Variants in CASP9 observed in about 807,000 individuals in gnomAD.
CASP9 encodes the protein caspase 9.
CASP9 carries 29 observed loss-of-function variants against 43.5 expected under a neutral mutation model. The ratio of observed to expected loss-of-function variants is 0.67; its 90% CI spans 0.50 to 0.91. The LOEUF (loss-of-function observed/expected upper bound fraction) is 0.91. CASP9 is among the 40% of genes least tolerant of loss of function. The pLI is 0.00. For missense variants in CASP9, 575 were observed against 537.4 expected, an observed-to-expected ratio of 1.07 and a Z score of -0.69; for synonymous variants, 206 against 211.9, an observed-to-expected ratio of 0.97 and a Z score of 0.24.
chr1:15,524,675 CCGCCTCGCCTTCAGGACGCCTCCG>C (rs1710380952), upstream of CASP9: 1 of 1,046,234 alleles, frequency 9.6e-7, no homozygotes, highest in Admixed American at 6.4e-5. Flanking sequence ...TCTTGCGTCA[CCGCCTCGCCTTCAGGACGCCTCCG>C]CGCCTCGCCC....
At chr1:15,522,011 G>A (rs1710222666) in intron 1 of CASP9, among the ~76,000 whole-genome samples, 1 of 152,190 alleles carries the variant, frequency 6.6e-6, no homozygotes, top group Non-Finnish European at 1.5e-5. Context: ...TTGGCTACAT[G>A]CAAATAGATG....
In CASP9 at chr1:15,506,060, A is replaced by C; in HGVS notation, c.650T>G (p.Leu217Arg). ...ACCGTGGTCCTGCTGCGCCAGCTCC[A>C]GCAAAGCCAGCACCATTTTCTACAA... is the stretch of plus-strand genomic sequence containing the variant. Reference protein sequence around the residue: ...LTAKKMVLALLELAQQDHGAL... With the variant: ...LTAKKMVLALRELAQQDHGAL... Residue 217 changes from leucine to arginine, a missense_variant, in exon 5 of 9, where the codon CTG (leucine) becomes CGG (arginine). Coordinates refer to ENST00000333868, the MANE Select transcript of CASP9 (RefSeq NM_001229.5). 6.2e-7 allele frequency: 1 copy of C among 1,613,842 alleles called. No individual in the cohort carries two copies. Among genetic ancestry groups the C allele is most frequent in the South Asian group, 1.1e-5 (1 of 91,084 alleles).
At position 15,492,373 on chromosome 1, in the gene CASP9, CA is replaced by C. The variant is rs2103319913; in HGVS notation, c.*569del. 6.6e-6 allele frequency: 1 copy of C among 152,404 alleles called. No individual in the cohort carries two copies. The highest frequency in any genetic ancestry group is 2.1e-4 in the South Asian group (1 of 4,822). 9.4% of individuals were successfully genotyped at this position (152,404 alleles called of 1,614,324 possible). A position where few individuals can be genotyped will look rare whatever the true frequency, so the allele number is the denominator to read the frequency against. ...TTAGAATTCATAGATTACAGCTGTTCAGACTCTAGTAGGCCCCGGTTTGCTG... is the reference window on the plus strand; with the variant it reads ...TTAGAATTCATAGATTACAGCTGTTCGACTCTAGTAGGCCCCGGTTTGCTG... On this transcript the variant is annotated 3_prime_UTR_variant, in exon 9 of 9. Transcript: ENST00000333868.
At chr1:15,514,384 C>T (rs1398217612) in intron 2 of CASP9, among the ~76,000 whole-genome samples, 2 of 152,222 alleles carry the variant, frequency 1.3e-5, no homozygotes, top group African/African-American at 4.8e-5. Flanking sequence ...TATGAATACA[C>T]AGCTCTTCCT....
At chr1:15,503,783 T>A (rs1206216111) in intron 6 of CASP9, among the ~76,000 whole-genome samples, 1 of 152,148 alleles carries the variant, frequency 6.6e-6, no homozygotes, top group African/African-American at 2.4e-5. Flanking sequence ...GGCAAGGAAC[T>A]GATATACCTT....
chr1:15,499,731 G>A (rs1709248496), intron 6 of CASP9, among the ~76,000 whole-genome samples: 1 of 152,210 alleles, frequency 6.6e-6, no homozygotes, highest in African/African-American at 2.4e-5. Flanking sequence ...TGATGATGAA[G>A]GCCATGGAGA....
intron 6 of CASP9, among the ~76,000 whole-genome samples, chr1:15,496,452 A>G (rs1709107710): frequency 6.6e-6 from 1 of 152,216 alleles, no homozygotes; most frequent in Admixed American, 6.5e-5. Flanking sequence ...AGACATTCAA[A>G]TTGGAAAGAA....
chr1:15,517,990 A>T, intron 2 of CASP9, 120 bp downstream of exon 2: 1 of 1,222,494 alleles, frequency 8.2e-7, no homozygotes, highest in Non-Finnish European at 1.2e-6. Context: ...ATCCCTATGA[A>T]CATTCAGAAA....
At position 15,504,782 on chromosome 1, in the gene CASP9, A is replaced by G. The variant is rs755984835; in HGVS notation, c.721-24T>C. The G allele has an allele frequency of 4.4e-6, 7 of 1,598,952 alleles. No individual in the cohort carries two copies. In the East Asian group the frequency reaches 1.1e-4, roughly 25 times the overall value. On this transcript the variant is annotated intron_variant, in intron 5 of 8. Transcript: ENST00000333868. ...GCCTAGAAGACCAAGAACCCTGGTT[A>G]CAAAACCAAGAAGTTGGAGTAGGAA...
chr1:15,518,877 T>G (rs542258458), intron 1 of CASP9, among the ~76,000 whole-genome samples: 11 of 151,894 alleles, frequency 7.2e-5, no homozygotes, highest in East Asian at 3.9e-4. Context: ...TGTTTTTGTT[T>G]TTTTTTTTTT....
chr1:15,523,843 G>A (rs1389730997), intron 1 of CASP9, among the ~76,000 whole-genome samples: 1 of 152,210 alleles, frequency 6.6e-6, no homozygotes, highest in South Asian at 2.1e-4. Flanking sequence ...CTCAAGATGT[G>A]TCTCACATTT....
intron 1 of CASP9, among the ~76,000 whole-genome samples, chr1:15,522,239 A>T (rs1011998066): frequency 1.2e-4 from 18 of 152,230 alleles, no homozygotes; most frequent in Non-Finnish European, 2.2e-4. Context: ...CTAATATGTA[A>T]CAAGGCCAGG....
At chr1:15,515,908 T>C (rs182107850) in intron 2 of CASP9, among the ~76,000 whole-genome samples, 1 of 151,836 alleles carries the variant, frequency 6.6e-6, no homozygotes, top group Admixed American at 6.6e-5. Context: ...ATTTTAAAAT[T>C]GGCCAGGCAT....
chr1:15,495,057 C>T (rs1183032451), intron 7 of CASP9, among the ~76,000 whole-genome samples: 3 of 151,808 alleles, frequency 2.0e-5, no homozygotes, highest in Admixed American at 2.0e-4. Flanking sequence ...GCAAGTGAGG[C>T]ATAGGAACCC....
At chr1:15,497,770 G>A (rs940506634) in intron 6 of CASP9, among the ~76,000 whole-genome samples, 2 of 152,102 alleles carry the variant, frequency 1.3e-5, no homozygotes, top group African/African-American at 4.8e-5. Flanking sequence ...AAACCCCAAT[G>A]ATGTTTTTTG....
At chr1:15,524,569 A>ATCCCCGCACTGACGTCACG, upstream of CASP9, 1 of 333,224 alleles carries the variant, frequency 3.0e-6, no homozygotes, top group South Asian at 4.6e-5. Context: ...CCCGCCCCGT[A>ATCCCCGCACTGACGTCACG]TCCCCGCACT....
intron 7 of CASP9, 123 bp from the exon 8 acceptor site, chr1:15,494,124 C>T: frequency 1.7e-6 from 2 of 1,149,116 alleles, no homozygotes; most frequent in Admixed American, 4.4e-5. Flanking sequence ...ATACATCCAA[C>T]AGGAGCAGCC....
chr1:15,510,563 T>C (rs1396925836), intron 2 of CASP9, among the ~76,000 whole-genome samples: 3 of 152,112 alleles, frequency 2.0e-5, no homozygotes, highest in African/African-American at 4.8e-5. Flanking sequence ...GAAATATCTA[T>C]TGATAAAGCA....
At chr1:15,517,697 CT>C (rs34588807) in intron 2 of CASP9, among the ~76,000 whole-genome samples, 1 of 152,184 alleles carries the variant, frequency 6.6e-6, no homozygotes, top group African/African-American at 2.4e-5. Context: ...AGGGTAAATA[CT>C]TTGCAGATGT....
Sources: allele counts gnomAD v4.1 joint callset (sites outside exome capture counted in the v4.1 genomes callset), GRCh38; gene constraint gnomAD v4.1.1; transcripts MANE v1.5; gene names NCBI Gene and HGNC (gene_info 2026-07-23, HGNC 2026-07-21).